Variants in SI observed in about 807,000 individuals in gnomAD.
The protein encoded by SI is sucrase-isomaltase, intestinal.
In SI, 235 loss-of-function variants were observed where a neutral mutation model predicts 253.3. That is an observed-to-expected ratio of 0.93 (90% CI 0.83 to 1.03). The LOEUF is 1.03. SI is among the 50% of genes least tolerant of loss of function. SI has a pLI of 0.00. For missense variants in SI, 2,442 were observed against 2,211.1 expected (o/e 1.10, Z -2.09); for synonymous variants, 819 against 712.0 (o/e 1.15, Z -2.39).
At position 165,032,547 on chromosome 3, in the gene SI, T is replaced by C. The variant is rs921331781; in HGVS notation, c.2711A>G (p.Asn904Ser). The change falls in exon 24 of 48, where the codon AAT becomes AGT. Residue 904 changes from asparagine to serine, a missense_variant. By Grantham distance (46) the Asn-to-Ser change is conservative. Transcript: ENST00000264382. ...CTGGTTAGAAGCATCATAAGTGAAA[T>C]TGGAATGAGCGTTCATTGGTTGATT... The part of the protein sequence containing the change: ...ENNQPMNAHS[N>S]FTYDASNQVL... 10 of 1,608,184 alleles carry C rather than the reference T, an allele frequency of 6.2e-6. No individual in the cohort carries two copies. The highest frequency in any genetic ancestry group is 2.2e-5 in the East Asian group (1 of 44,612).
At chr3:164,992,490 G>A in intron 41 of SI, 93 bp from the exon 42 acceptor site, 1 of 839,396 alleles carries the variant, frequency 1.2e-6, no homozygotes, top group East Asian at 2.7e-5. Flanking sequence ...TTGTAGTATG[G>A]ACTTTTGTGG....
intron 28 of SI, 24 bp from the exon 29 acceptor site, chr3:165,018,090 A>G: frequency 7.7e-7 from 1 of 1,300,198 alleles, no homozygotes; most frequent in Non-Finnish European, 1.1e-6. Context: ...AATAAGCACA[A>G]TATATTTTAA....
chr3:164,992,595 T>A (rs1300901622), intron 41 of SI, among the ~76,000 whole-genome samples, 198 bp from the exon 42 acceptor site: 1 of 151,840 alleles, frequency 6.6e-6, no homozygotes, highest in Non-Finnish European at 1.5e-5. Flanking sequence ...TATGAGTAAA[T>A]CTAGACTATG....
In SI at chr3:165,030,685, A is replaced by T. The variant is rs558777836; in HGVS notation, c.2892+27T>A. 4 of 1,602,416 alleles carry T rather than the reference A, an allele frequency of 2.5e-6. No individual in the cohort carries two copies. In the South Asian group the frequency reaches 4.4e-5, roughly 18 times the overall value. ...AAAATGCTTATGTGATAACCATATC[A>T]TGAGTAATAGTTAAAATTATTATTA... On this transcript the variant is annotated intron_variant, in intron 25 of 47. Transcript: ENST00000264382.
Position 165,049,769 on chromosome 3 carries a change from T to A in SI, c.1597+22A>T. 2.3e-6 allele frequency: 3 copies of A among 1,328,520 alleles called. No homozygotes were observed. In the East Asian group the frequency reaches 6.9e-5, roughly 31 times the overall value. The allele number at this position is 1,328,520 out of a possible 1,614,324, so 82.3% of individuals were successfully genotyped here. A position where few individuals can be genotyped will look rare whatever the true frequency, so the allele number is the denominator to read the frequency against. On this transcript the variant is annotated intron_variant, in intron 14 of 47. Coordinates refer to ENST00000264382, the MANE Select transcript of SI (RefSeq NM_001041.4). ...AATTATTCTCAATTAAAACAGTAAT[T>A]AGATAACCAAATAAATTTTACCAGG...
At chr3:165,020,493 C>T (rs960817280) in intron 27 of SI, among the ~76,000 whole-genome samples, 4 of 151,426 alleles carry the variant, frequency 2.6e-5, no homozygotes, top group Admixed American at 6.6e-5. Flanking sequence ...ATAAATAATG[C>T]CCTTGCACCA....
At chr3:165,041,558 G>C (rs1712837392) in intron 17 of SI, among the ~76,000 whole-genome samples, 2 of 152,040 alleles carry the variant, frequency 1.3e-5, no homozygotes, top group Admixed American at 1.3e-4. Flanking sequence ...AAATGGGCTT[G>C]CCTAAGGACT....
intron 25 of SI, among the ~76,000 whole-genome samples, chr3:165,030,178 A>G (rs1712158078): frequency 6.6e-6 from 1 of 150,974 alleles, no homozygotes; most frequent in South Asian, 2.1e-4. Context: ...GCATAGCAAG[A>G]GGAATGTTTT....
intron 3 of SI, among the ~76,000 whole-genome samples, chr3:165,072,791 T>C (rs1444838254): frequency 6.6e-6 from 1 of 151,930 alleles, no homozygotes; most frequent in Non-Finnish European, 1.5e-5. Flanking sequence ...TCCATATAAA[T>C]CCAAAACTTT....
chr3:165,027,194 C>A (rs971530672), intron 25 of SI, among the ~76,000 whole-genome samples: 2 of 151,298 alleles, frequency 1.3e-5, no homozygotes, highest in African/African-American at 4.8e-5. Flanking sequence ...CACCGTTACA[C>A]ACATAAATTA....
At chr3:165,026,431 G>A (rs1207054428) in intron 25 of SI, among the ~76,000 whole-genome samples, 3 of 150,988 alleles carry the variant, frequency 2.0e-5, no homozygotes, top group Non-Finnish European at 4.5e-5. Context: ...TCATCAAGAT[G>A]GAAAGTCAAC....
rs780408805 is a variant in SI at position 165,069,059 on chromosome 3, A to G, written c.373+19T>C. ...TTAGAATATATCATATTGAATCATTATAACAGAGGACTTCTTACCAATACT... is the reference window on the plus strand; with the variant it reads ...TTAGAATATATCATATTGAATCATTGTAACAGAGGACTTCTTACCAATACT... On this transcript the variant is annotated intron_variant, in intron 4 of 47. Coordinates refer to ENST00000264382, the MANE Select transcript of SI (RefSeq NM_001041.4). 3 of 1,484,166 alleles carry G rather than the reference A, an allele frequency of 2.0e-6. No individual in the cohort carries two copies. Among genetic ancestry groups the G allele is most frequent in the African/African-American group, 2.8e-5 (2 of 72,382 alleles). The allele number at this position is 1,484,166 out of a possible 1,614,324, so 91.9% of individuals were successfully genotyped here.
Position 164,992,401 on chromosome 3 carries a change from G to A in SI, c.4842-4C>T, listed in dbSNP as rs78032315. The A allele has an allele frequency of 0.01, 16,367 of 1,579,886 alleles. 1,439 individuals are homozygous for A. The African/African-American group carries it at 0.19, about 19-fold the overall frequency. On this transcript the variant is annotated splice_polypyrimidine_tract_variant and splice_region_variant and intron_variant, in intron 41 of 47. Coordinates refer to ENST00000264382, the MANE Select transcript of SI (RefSeq NM_001041.4). Reference sequence around the variant, plus strand: ...GGTTGGTTTTTCATCAAAGAACCTCGACAAAATTATCACAAATAATTAAAT... The same window carrying A: ...GGTTGGTTTTTCATCAAAGAACCTCAACAAAATTATCACAAATAATTAAAT...
chr3:164,998,428 G>T, intron 38 of SI, 112 bp downstream of exon 38: 2 of 1,095,422 alleles, frequency 1.8e-6, no homozygotes, highest in Non-Finnish European at 2.8e-6. Context: ...CATAAAGTAC[G>T]ATGTGAAGAA....
chr3:165,073,082 A>G (rs1003446388), intron 3 of SI, among the ~76,000 whole-genome samples: 2 of 152,120 alleles, frequency 1.3e-5, no homozygotes, highest in Admixed American at 6.6e-5. Flanking sequence ...AGAAAAATGT[A>G]AACCACTGAC....
chr3:164,983,438 AATAAT>A (rs1465095517), intron 45 of SI, among the ~76,000 whole-genome samples: 1 of 152,198 alleles, frequency 6.6e-6, no homozygotes, highest in African/African-American at 2.4e-5. Flanking sequence ...TGACTGACAA[AATAAT>A]ATAAAGGAAA....
At chr3:165,062,050 C>T (rs1456249913) in intron 9 of SI, among the ~76,000 whole-genome samples, 1 of 151,850 alleles carries the variant, frequency 6.6e-6, no homozygotes, top group Non-Finnish European at 1.5e-5. Context: ...TAAGATAGTT[C>T]CTTTTGCTTT....
intron 13 of SI, among the ~76,000 whole-genome samples, chr3:165,054,177 A>T (rs1315963710): frequency 2.6e-5 from 4 of 152,148 alleles, no homozygotes; most frequent in African/African-American, 9.6e-5. Context: ...ATAATGATTG[A>T]ATCAATAATG....
chr3:165,020,310 C>T (rs765509090), intron 27 of SI, among the ~76,000 whole-genome samples: 2 of 151,348 alleles, frequency 1.3e-5, no homozygotes, highest in Non-Finnish European at 3.0e-5. Flanking sequence ...AAATGTGTTA[C>T]AAGAAACATA....
Sources: gnomAD v4.1 joint callset for allele counts (sites outside exome capture counted in the v4.1 genomes callset) on GRCh38, gnomAD v4.1.1 for gene constraint, MANE v1.5 for transcripts, NCBI Gene and HGNC (gene_info 2026-07-23, HGNC 2026-07-21) for gene names.